Variants in BCLAF1 observed in about 807,000 individuals in gnomAD.
BCLAF1 encodes bcl-2-associated transcription factor 1.
A neutral mutation model predicts 99.5 loss-of-function variants in BCLAF1; 10 were observed. The ratio of observed to expected loss-of-function variants is 0.10; its 90% CI spans 0.06 to 0.17. The LOEUF is 0.17. Among genes scored for constraint, BCLAF1 ranks in the 10% least tolerant of loss-of-function variants. The pLI is 1.00. For synonymous variants in BCLAF1, 255 were observed against 370.9 expected (o/e 0.69, Z 3.59); for missense variants, 636 against 1,105.8 (o/e 0.58, Z 6.02).
At chr6:136,268,592 G>T in intron 9 of BCLAF1, 1 of 340,182 alleles carries the variant, frequency 2.9e-6, no homozygotes, top group South Asian at 4.1e-5. Context: ...TCAAGAATAA[G>T]GTTCAGTTCT....
chr6:136,269,884 A>C (rs1260849176), intron 8 of BCLAF1: 2 of 267,280 alleles, frequency 7.5e-6, no homozygotes, highest in Non-Finnish European at 1.4e-5. Flanking sequence ...ATCCAAAACA[A>C]TCTATAATAA....
At chr6:136,264,758 T>G (rs1247770893) in intron 11 of BCLAF1, among the ~76,000 whole-genome samples, 3 of 152,328 alleles carry the variant, frequency 2.0e-5, no homozygotes, top group South Asian at 4.1e-4. Flanking sequence ...CTTTGGGAAC[T>G]AATTTATAAG....
intron 1 of BCLAF1, among the ~76,000 whole-genome samples, chr6:136,286,825 G>T (rs763021953): frequency 6.6e-6 from 1 of 152,144 alleles, no homozygotes; most frequent in Non-Finnish European, 1.5e-5. Flanking sequence ...AAAATTAGAC[G>T]GGCGTGGTGG....
intron 7 of BCLAF1, among the ~76,000 whole-genome samples, chr6:136,272,866 TAA>T (rs529746673): frequency 5.3e-5 from 8 of 152,036 alleles, no homozygotes; most frequent in East Asian, 3.9e-4. Context: ...TGCAAAGTAA[TAA>T]GAGTTAATAT....
rs1780667757 is a variant in BCLAF1, at chr6:136,259,082, T to C, written c.*2028A>G. On this transcript the variant is annotated 3_prime_UTR_variant, in exon 13 of 13. Coordinates refer to ENST00000531224, the MANE Select transcript of BCLAF1 (RefSeq NM_014739.3). ...AAAAATATACAGGCTTTTTATATGC[T>C]TGGATCTGAAAAAGGTAACATCCAC... The C allele has an allele frequency of 6.6e-6, 1 of 152,048 alleles. No homozygotes were observed. The highest frequency in any genetic ancestry group is 1.5e-5 in the Non-Finnish European group (1 of 67,868). 9.4% of individuals were successfully genotyped at this position (152,048 alleles called of 1,614,324 possible).
intron 1 of BCLAF1, among the ~76,000 whole-genome samples, chr6:136,288,199 G>C (rs1328225342): frequency 6.6e-6 from 1 of 152,182 alleles, no homozygotes; most frequent in Non-Finnish European, 1.5e-5. Context: ...TCACCACAAT[G>C]TACTGGTTGA....
At chr6:136,268,081 A>T (rs962743000) in intron 10 of BCLAF1, 81 bp downstream of exon 10, 13 of 1,255,564 alleles carry the variant, frequency 1.0e-5, no homozygotes, top group Non-Finnish European at 1.4e-5. Context: ...ACAATCTCTA[A>T]ATCATGTATA....
At chr6:136,284,834 G>A (rs148690733) in intron 1 of BCLAF1, among the ~76,000 whole-genome samples, 2 of 149,208 alleles carry the variant, frequency 1.3e-5, no homozygotes, top group South Asian at 2.1e-4. Flanking sequence ...CACATTGGAG[G>A]GGGGGGAAAA....
intron 11 of BCLAF1, among the ~76,000 whole-genome samples, chr6:136,266,552 CTGTAA>C (rs1310905210): frequency 6.6e-6 from 1 of 152,024 alleles, no homozygotes; most frequent in Non-Finnish European, 1.5e-5. Context: ...AGCAACTTTT[CTGTAA>C]TGTAATTTTT....
intron 1 of BCLAF1, among the ~76,000 whole-genome samples, chr6:136,288,466 T>C (rs114765857): frequency 0.015 from 2,257 of 152,326 alleles, 63 homozygotes; most frequent in African/African-American, 0.049. Flanking sequence ...GCCTGAACAG[T>C]ATCCTAACCA....
In BCLAF1 at chr6:136,289,769, C is replaced by G. The variant is rs1197061731; in HGVS notation, c.-171G>C. 6.5e-6 allele frequency: 1 copy of G among 152,728 alleles called. No individual in the cohort carries two copies. Among genetic ancestry groups the G allele is most frequent in the Non-Finnish European group, 1.5e-5 (1 of 68,082 alleles). The allele number at this position is 152,728 out of a possible 1,614,324, so 9.5% of individuals were successfully genotyped here. On this transcript the variant is annotated 5_prime_UTR_variant, in exon 1 of 13. The change abolishes an upstream ATG in the 5' untranslated region. Transcript: ENST00000531224. The stretch of plus-strand genomic sequence containing the variant: ...ATCTCCGTTGCAACCACACAGCGGC[C>G]ATTTCCCGACTCAAGAACGCGAGGA...
At chr6:136,272,592 G>A (rs1363636056) in intron 7 of BCLAF1, among the ~76,000 whole-genome samples, 1 of 151,838 alleles carries the variant, frequency 6.6e-6, no homozygotes, top group African/African-American at 2.4e-5. Context: ...CACTGTCACT[G>A]CCACCCTGCA....
rs770971680 is a variant in BCLAF1 at position 136,275,963 on chromosome 6, G to A, written c.1562C>T (p.Ala521Val). ...YSPPLHKNLDAREKSTFREES... is the reference protein window; with the variant it reads ...YSPPLHKNLDVREKSTFREES... ...CTCTCTGAAGGTAGACTTTTCTCGT[G>A]CATCCAGATTCTTGTGTAGAGGGGG... The change falls in exon 5 of 13, where the codon GCA becomes GTA. Residue 521 changes from alanine to valine, a missense_variant. Ala to Val is a moderately conservative substitution (Grantham distance 64). Around this residue, in one of 9 missense-constraint regions of BCLAF1, gnomAD observed 186 missense variants for 275.3 expected, o/e 0.68. Transcript: ENST00000531224. 1 of 1,612,716 alleles carries A rather than the reference G, an allele frequency of 6.2e-7. No individual in the cohort carries two copies. The highest frequency in any genetic ancestry group is 8.5e-7 in the Non-Finnish European group (1 of 1,179,538).
At chr6:136,271,886 TA>T in intron 8 of BCLAF1, 108 bp downstream of exon 8, 1 of 762,376 alleles carries the variant, frequency 1.3e-6, no homozygotes, top group Non-Finnish European at 2.2e-6. Flanking sequence ...AGTTATGAAT[TA>T]AAAGTAGAAG....
At chr6:136,272,735 G>A (rs1175142993) in intron 7 of BCLAF1, among the ~76,000 whole-genome samples, 6 of 151,854 alleles carry the variant, frequency 4.0e-5, no homozygotes, top group Admixed American at 1.3e-4. Flanking sequence ...TCATGCTTTC[G>A]TTCTCTCTCT....
chr6:136,276,379 A>G lies in BCLAF1; in HGVS notation c.1146T>C (p.Asp382=), dbSNP rs767108686. Reference sequence around the variant, plus strand: ...TTCCAGACTCTTTATCACTGAAGTAATCTAGAGCTTCCTGATCTTCCCATT... The same window carrying G: ...TTCCAGACTCTTTATCACTGAAGTAGTCTAGAGCTTCCTGATCTTCCCATT... ...EGEWEDQEAL[D]YFSDKESGKQ... is the part of the protein sequence containing the mutation. Residue 382 remains aspartate, a synonymous_variant, in exon 5 of 13, where the codon GAT becomes GAC. Transcript: ENST00000531224. 10 of 1,585,766 alleles carry G rather than the reference A, an allele frequency of 6.3e-6. No individual in the cohort carries two copies. Among genetic ancestry groups the G allele is most frequent in the Non-Finnish European group, 7.7e-6 (9 of 1,170,916 alleles).
intron 1 of BCLAF1, among the ~76,000 whole-genome samples, chr6:136,284,138 A>G (rs1398919098): frequency 5.3e-4 from 39 of 74,088 alleles, no homozygotes; most frequent in South Asian, 2.8e-3. Flanking sequence ...GTGTATATAT[A>G]TATATATATA....
rs1781985044 is a variant in BCLAF1 at position 136,268,165 on chromosome 6, G to A, written c.2394C>T (p.Thr798=). 1.3e-6 allele frequency: 2 copies of A among 1,522,358 alleles called. No individual in the cohort carries two copies. The highest frequency in any genetic ancestry group is 8.8e-7 in the Non-Finnish European group (1 of 1,140,770). 94.3% of individuals were successfully genotyped at this position (1,522,358 alleles called of 1,614,324 possible). A position where few individuals can be genotyped will look rare whatever the true frequency, so the allele number is the denominator to read the frequency against. The change falls in exon 10 of 13, where the codon ACC becomes ACT. Residue 798 remains threonine, a synonymous_variant. Transcript: ENST00000531224. ...GFAGVSRPRG[T]FFRIRGRGRA... is the part of the protein sequence containing the mutation. ...CAAAGATAATTTTTTCACTTACAAA[G>A]GTTCCTCGTGGTCGGCTAACTCCTG...
intron 1 of BCLAF1, among the ~76,000 whole-genome samples, chr6:136,286,188 G>A (rs764184975): frequency 2.6e-5 from 4 of 152,140 alleles, no homozygotes; most frequent in Non-Finnish European, 5.9e-5. Context: ...ACTATTTCAA[G>A]CATACTTGAT....
Sources: gnomAD v4.1 joint callset for allele counts (sites outside exome capture counted in the v4.1 genomes callset) on GRCh38, gnomAD v4.1.1 for gene constraint, gnomAD v4.1.1 regional missense constraint, MANE v1.5 for transcripts, NCBI Gene and HGNC (gene_info 2026-07-23, HGNC 2026-07-21) for gene names.